Variants in APC observed in about 807,000 individuals in gnomAD.
APC encodes APC regulator of Wnt signaling pathway, also known as adenomatous polyposis coli protein.
In APC, 72 loss-of-function variants were observed where a neutral mutation model predicts 247.0. The observed-to-expected ratio is 0.29, with a 90% CI of 0.24 to 0.35. The LOEUF is 0.35. APC is among the 10% of genes least tolerant of loss of function. The probability of loss-of-function intolerance (pLI) is 1.00; values close to 1 mark genes in which losing one functional copy is unlikely to be tolerated. For missense variants in APC, 3,400 were observed against 3,360.7 expected (o/e 1.01, Z -0.29); for synonymous variants, 1,254 against 1,162.5 (o/e 1.08, Z -1.60).
intron 1 of APC, among the ~76,000 whole-genome samples, chr5:112,723,872 T>A (rs763629147): frequency 1.3e-5 from 2 of 152,170 alleles, no homozygotes; most frequent in Non-Finnish European, 2.9e-5. Context: ...GCCAAGCAAT[T>A]AAAGTGGAAA....
intron 1 of APC, among the ~76,000 whole-genome samples, chr5:112,709,389 G>A (rs1581000741): frequency 6.6e-6 from 1 of 152,274 alleles, no homozygotes; most frequent in East Asian, 1.9e-4. Context: ...TTTTATGTTT[G>A]CTTCTTGTAT....
intron 14 of APC, 43 bp downstream of exon 14, chr5:112,829,015 T>TA: frequency 6.9e-7 from 1 of 1,445,478 alleles, no homozygotes; most frequent in Non-Finnish European, 9.7e-7. Flanking sequence ...AATTTCATGT[T>TA]TGGCTTTTTT....
At chr5:112,760,398 CAT>C (rs1411972694) in intron 2 of APC, among the ~76,000 whole-genome samples, 3 of 152,164 alleles carry the variant, frequency 2.0e-5, no homozygotes, top group South Asian at 2.1e-4. Flanking sequence ...GAGGGAGAGA[CAT>C]GTTACTTTCA....
At chr5:112,708,037 C>T (rs933574916) in intron 1 of APC, among the ~76,000 whole-genome samples, 1 of 152,204 alleles carries the variant, frequency 6.6e-6, no homozygotes, top group Non-Finnish European at 1.5e-5. Context: ...CCATTCAGGC[C>T]TCCAGTTGGC....
chr5:112,722,260 C>T (rs1751522112), intron 1 of APC, among the ~76,000 whole-genome samples: 1 of 152,172 alleles, frequency 6.6e-6, no homozygotes, highest in African/African-American at 2.4e-5. Context: ...AATTTCCATA[C>T]TATTATGGCA....
At chr5:112,822,571 A>G (rs904973513) in intron 11 of APC, among the ~76,000 whole-genome samples, 1 of 152,192 alleles carries the variant, frequency 6.6e-6, no homozygotes, top group African/African-American at 2.4e-5. Context: ...GTATTTTCAC[A>G]CACTAAGCCT....
chr5:112,727,888 A>C (rs1488829183), intron 1 of APC, among the ~76,000 whole-genome samples: 1 of 152,122 alleles, frequency 6.6e-6, no homozygotes, highest in East Asian at 1.9e-4. Flanking sequence ...ATTAAAAAAA[A>C]TTGAAGAAGA....
Position 112,841,517 on chromosome 5 carries a change from A to G in APC, c.5923A>G (p.Ile1975Val), listed in dbSNP as rs765104249. 1 of 1,613,880 alleles carries G rather than the reference A, an allele frequency of 6.2e-7. No individual in the cohort carries two copies. Among genetic ancestry groups the G allele is most frequent in the Non-Finnish European group, 8.5e-7 (1 of 1,179,780 alleles). ...HNSSLSSLSD[I>V]DQENNNKENE... ...TTCCTCTCTGAGTTCTCTCAGTGACATTGACCAAGAAAACAACAATAAAGA... is the reference window on the plus strand; with the variant it reads ...TTCCTCTCTGAGTTCTCTCAGTGACGTTGACCAAGAAAACAACAATAAAGA... Residue 1975 changes from isoleucine (I) to valine (V), a missense_variant, in exon 16 of 16, where the codon ATT (isoleucine) becomes GTT (valine). Physicochemically the swap from Ile to Val is conservative, Grantham distance 29 (BLOSUM62 3). This residue lies in a region of APC where 1,788 missense variants were observed against 1,649.5 expected (regional missense o/e 1.08). Transcript: ENST00000257430. The surrounding 1 kb of genome is among the most constrained non-coding windows in gnomAD (Gnocchi z 4.6).
intron 4 of APC, among the ~76,000 whole-genome samples, chr5:112,769,432 G>C (rs1756777166): frequency 6.6e-6 from 1 of 152,142 alleles, no homozygotes; most frequent in Non-Finnish European, 1.5e-5. Flanking sequence ...ATTTTTCACA[G>C]CTAGTGTATT....
intron 2 of APC, among the ~76,000 whole-genome samples, chr5:112,756,389 A>G (rs975393206): frequency 1.3e-5 from 2 of 152,228 alleles, no homozygotes; most frequent in African/African-American, 2.4e-5. Flanking sequence ...TCCACAAACT[A>G]TGGGTGACCT....
chr5:112,767,214 C>T lies in APC; in HGVS notation c.246C>T (p.Phe82=), dbSNP rs755478426. 3 of 1,613,918 alleles carry T rather than the reference C, an allele frequency of 1.9e-6. No individual in the cohort carries two copies. The highest frequency in any genetic ancestry group is 1.7e-5 in the Admixed American group (1 of 59,996). Residue 82 remains phenylalanine, a synonymous_variant, in exon 4 of 16, where the codon TTC becomes TTT. Coordinates refer to ENST00000257430, the MANE Select transcript of APC (RefSeq NM_000038.6). ...AGCTTAACTTAGATAGCAGTAATTT[C>T]CCTGGAGTAAAACTGCGGTCAAAAA... The part of the protein sequence containing the change: ...LKELNLDSSN[F]PGVKLRSKMS...
In APC at chr5:112,838,495, CAGT is replaced by C. The variant is rs748463483; in HGVS notation, c.2908_2910del (p.Ser970del). ...CTTCAAATGATAGTTTAAATAGTGT[CAGT>C]AGTAGTGATGGTTATGGTAAAAGAG... is the stretch of plus-strand genomic sequence containing the variant. On this transcript the variant is annotated inframe_deletion, in exon 16 of 16. Coordinates refer to ENST00000257430, the MANE Select transcript of APC (RefSeq NM_000038.6). The C allele has an allele frequency of 6.2e-7, 1 of 1,614,126 alleles. No individual in the cohort carries two copies. Among genetic ancestry groups the C allele is most frequent in the East Asian group, 2.2e-5 (1 of 44,886 alleles).
At chr5:112,778,226 CT>C in intron 5 of APC, 1 of 170,148 alleles carries the variant, frequency 5.9e-6, no homozygotes. Context: ...TATTCACCAC[CT>C]CCAAGCTGCT....
intron 11 of APC, among the ~76,000 whole-genome samples, chr5:112,822,205 C>G (rs1001716054): frequency 2.0e-5 from 3 of 152,072 alleles, no homozygotes; most frequent in African/African-American, 7.2e-5. Flanking sequence ...AACTGCTACC[C>G]TGTCATAAGC....
intron 8 of APC, among the ~76,000 whole-genome samples, chr5:112,807,566 C>T (rs1194503630): frequency 8.7e-5 from 13 of 149,444 alleles, no homozygotes; most frequent in Admixed American, 8.7e-4. Context: ...CTAAGCTTTT[C>T]TATTTGAAAT....
chr5:112,714,078 A>G (rs1292528190), intron 1 of APC, among the ~76,000 whole-genome samples: 1 of 152,262 alleles, frequency 6.6e-6, no homozygotes, highest in East Asian at 1.9e-4. Context: ...TGTGTTAAGT[A>G]CATTTAAGCA....
At chr5:112,780,024 A>G (rs1335582216) in intron 5 of APC, among the ~76,000 whole-genome samples, 3 of 152,122 alleles carry the variant, frequency 2.0e-5, no homozygotes, top group Non-Finnish European at 4.4e-5. Context: ...ATTTTATTTA[A>G]TCAGCTTTTA....
At chr5:112,820,994 T>C (rs1763067735) in intron 10 of APC, among the ~76,000 whole-genome samples, 1 of 151,462 alleles carries the variant, frequency 6.6e-6, no homozygotes, top group Non-Finnish European at 1.5e-5. Flanking sequence ...CCTGAGAGTA[T>C]CTGGGACTAC....
intron 6 of APC, among the ~76,000 whole-genome samples, chr5:112,781,934 A>C (rs139278868): frequency 6.6e-6 from 1 of 152,054 alleles, no homozygotes; most frequent in Non-Finnish European, 1.5e-5. Flanking sequence ...TTGTTTCGCC[A>C]TGTTTGCCAG....
Sources: allele counts gnomAD v4.1 joint callset (sites outside exome capture counted in the v4.1 genomes callset), GRCh38; gene constraint gnomAD v4.1.1; regional missense constraint gnomAD v4.1.1; non-coding constraint Gnocchi (gnomAD v3.1); transcripts MANE v1.5; gene names NCBI Gene and HGNC (gene_info 2026-07-23, HGNC 2026-07-21).